Variants in OTOL1 observed in about 807,000 individuals in gnomAD.
OTOL1 encodes otolin 1.
OTOL1 carries 31 observed loss-of-function variants against 25.0 expected under a neutral mutation model. That is an observed-to-expected ratio of 1.24 (90% CI 0.93 to 1.67). The LOEUF (loss-of-function observed/expected upper bound fraction) is 1.67, where lower values mean the gene tolerates loss of function less well. Ranked by LOEUF, OTOL1 falls within the 40% of genes most tolerant of loss-of-function variation. The pLI, the probability that OTOL1 is intolerant of heterozygous loss-of-function variation, is 0.00. For missense variants in OTOL1, 654 were observed against 587.7 expected, an observed-to-expected ratio of 1.11 and a Z score of -1.17; for synonymous variants, 225 against 210.3, an observed-to-expected ratio of 1.07 and a Z score of -0.61.
intron 3 of OTOL1, among the ~76,000 whole-genome samples, chr3:161,502,690 G>T (rs1227677551): frequency 2.6e-5 from 4 of 152,110 alleles, no homozygotes; most frequent in Admixed American, 6.6e-5. Context: ...GAATACCTGG[G>T]TTAGGCCAAA....
rs758687236 is a variant in OTOL1, at chr3:161,503,287, G to A, written c.779G>A (p.Gly260Asp). The change falls in exon 4 of 4, where the codon GGT becomes GAT. Residue 260 changes from glycine (G) to aspartate (D), a missense_variant. Coordinates refer to ENST00000327928, the MANE Select transcript of OTOL1 (RefSeq NM_001080440.1). ...GGAAAAGGACAGAAAGGTGAGGGGG[G>A]TATGAAAGGGGAAAAAGGTAGCAAA... ...RGGKGQKGEG[G>D]MKGEKGSKGD... 1.9e-5 allele frequency: 26 copies of A among 1,350,166 alleles called. No individual in the cohort carries two copies. Among genetic ancestry groups the A allele is most frequent in the Non-Finnish European group, 7.8e-6 (8 of 1,032,172 alleles). 83.6% of individuals were successfully genotyped at this position (1,350,166 alleles called of 1,614,324 possible).
rs1177339787 is a variant in OTOL1, at chr3:161,503,855, G to C, written c.1347G>C (p.Trp449Cys). ...TCTGGCTTGAGGTGTCAAAAGATTG[G>C]AATGGGGTGTATGTCAGTGCTGAGG... ...DQVWLEVSKD[W>C]NGVYVSAEDD... is the part of the protein sequence containing the mutation. The change falls in exon 4 of 4, where the codon TGG becomes TGC. Residue 449 changes from tryptophan to cysteine, a missense_variant. Transcript: ENST00000327928. The C allele has an allele frequency of 3.7e-6, 6 of 1,613,786 alleles. No homozygotes were observed. Among genetic ancestry groups the C allele is most frequent in the Non-Finnish European group, 5.1e-6 (6 of 1,179,882 alleles).
intron 2 of OTOL1, among the ~76,000 whole-genome samples, chr3:161,500,497 T>A (rs949593705): frequency 6.6e-6 from 1 of 152,222 alleles, no homozygotes; most frequent in African/African-American, 2.4e-5. Context: ...CCATTCTTTA[T>A]AAAGTAGCAA....
intron 1 of OTOL1, 83 bp downstream of exon 1, chr3:161,497,254 G>A: frequency 6.7e-7 from 1 of 1,486,680 alleles, no homozygotes; most frequent in South Asian, 1.4e-5. Context: ...AATTGCCCCA[G>A]GAGTTTCTAC....
rs778910658 is a variant in OTOL1, at chr3:161,503,265, A to C, written c.757A>C (p.Lys253Gln). ...CCGDSGERGG[K>Q]GQKGEGGMKG... Reference sequence around the variant, plus strand: ...TGGAGATTCTGGGGAGAGGGGAGGAAAAGGACAGAAAGGTGAGGGGGGTAT... The same window carrying C: ...TGGAGATTCTGGGGAGAGGGGAGGACAAGGACAGAAAGGTGAGGGGGGTAT... Residue 253 changes from lysine to glutamine, a missense_variant, in exon 4 of 4, where the codon AAA (lysine) becomes CAA (glutamine). By Grantham distance (53) the Lys-to-Gln change is moderately conservative. Coordinates refer to ENST00000327928, the MANE Select transcript of OTOL1 (RefSeq NM_001080440.1). The C allele has an allele frequency of 1.1e-5, 15 of 1,379,352 alleles. No homozygotes were observed. In the South Asian group the frequency reaches 1.5e-4, roughly 14 times the overall value. 85.4% of individuals were successfully genotyped at this position (1,379,352 alleles called of 1,614,324 possible).
rs1290239734 is a variant in OTOL1 at position 161,499,178 on chromosome 3, A to C, written c.372A>C (p.Lys124Asn). Reference sequence around the variant, plus strand: ...TTAAAATCCCATTTCTAGGTCCTAAAGGAGAGGCTGGAAATTTGGGGATCC... The same window carrying C: ...TTAAAATCCCATTTCTAGGTCCTAACGGAGAGGCTGGAAATTTGGGGATCC... ...EPGETGQPGP[K>N]GEAGNLGIPG... The change falls in exon 2 of 4, where the codon AAA (lysine) becomes AAC (asparagine). Residue 124 changes from lysine (K) to asparagine (N), a missense_variant. Transcript: ENST00000327928. The C allele has an allele frequency of 1.9e-6, 3 of 1,608,860 alleles. No individual in the cohort carries two copies. Among genetic ancestry groups the C allele is most frequent in the Non-Finnish European group, 2.5e-6 (3 of 1,177,514 alleles).
rs749229959 is a variant in OTOL1 at position 161,503,304 on chromosome 3, G to A, written c.796G>A (p.Gly266Ser). ...KGEGGMKGEK[G>S]SKGDSGMEGK... is the part of the protein sequence containing the mutation. ...TGAGGGGGGTATGAAAGGGGAAAAA[G>A]GTAGCAAAGGAGACAGTGGAATGGA... The change falls in exon 4 of 4, where the codon GGT becomes AGT. Residue 266 changes from glycine to serine, a missense_variant. Transcript: ENST00000327928. 2 of 1,523,690 alleles carry A rather than the reference G, an allele frequency of 1.3e-6. No individual in the cohort carries two copies. Among genetic ancestry groups the A allele is most frequent in the Non-Finnish European group, 1.8e-6 (2 of 1,138,032 alleles). The allele number at this position is 1,523,690 out of a possible 1,614,324, so 94.4% of individuals were successfully genotyped here.
In OTOL1 at chr3:161,503,328, G is replaced by C; in HGVS notation, c.820G>C (p.Glu274Gln). 6.4e-7 allele frequency: 1 copy of C among 1,567,358 alleles called. No individual in the cohort carries two copies. The change falls in exon 4 of 4, where the codon GAA becomes CAA. Residue 274 changes from glutamate (E) to glutamine (Q), a missense_variant. Transcript: ENST00000327928. Reference sequence around the variant, plus strand: ...AGGTAGCAAAGGAGACAGTGGAATGGAAGGCAAAAGCGGCCGTAATGGTCT... The same window carrying C: ...AGGTAGCAAAGGAGACAGTGGAATGCAAGGCAAAAGCGGCCGTAATGGTCT... ...EKGSKGDSGM[E>Q]GKSGRNGLPG... is the part of the protein sequence containing the mutation.
At chr3:161,497,274 C>A in intron 1 of OTOL1, 103 bp downstream of exon 1, 4 of 1,328,110 alleles carry the variant, frequency 3.0e-6, no homozygotes, top group Non-Finnish European at 3.1e-6. Flanking sequence ...CGTTGTTATG[C>A]AAATAGTAAC....
At chr3:161,498,474 G>C (rs1357799253) in intron 1 of OTOL1, among the ~76,000 whole-genome samples, 1 of 152,062 alleles carries the variant, frequency 6.6e-6, no homozygotes, top group Non-Finnish European at 1.5e-5. Context: ...AGACTATCTT[G>C]GTCCTACTTA....
chr3:161,497,516 A>G (rs1255863516), intron 1 of OTOL1, among the ~76,000 whole-genome samples: 1 of 152,054 alleles, frequency 6.6e-6, no homozygotes, highest in African/African-American at 2.4e-5. Flanking sequence ...GGAATTACCA[A>G]CTCCAGCATG....
chr3:161,501,655 G>T (rs1416917354), intron 2 of OTOL1, among the ~76,000 whole-genome samples: 1 of 151,664 alleles, frequency 6.6e-6, no homozygotes, highest in Non-Finnish European at 1.5e-5. Flanking sequence ...AGGTGTTGTG[G>T]CCATATAAAG....
chr3:161,502,852 G>A lies in OTOL1; in HGVS notation c.518-174G>A, dbSNP rs1719008837. ...TAACTATTCCCCTTCTAAGAGCATG[G>A]CATAATATAAATTATTCATTGTCAG... On this transcript the variant is annotated intron_variant, in intron 3 of 3. Transcript: ENST00000327928. 2.6e-5 allele frequency among the ~76,000 whole-genome samples: 4 copies of A among 152,060 alleles called. No homozygotes were observed. In the South Asian group the frequency reaches 8.3e-4, roughly 32 times the overall value.
intron 1 of OTOL1, among the ~76,000 whole-genome samples, chr3:161,497,700 G>A (rs1218060759): frequency 6.6e-6 from 1 of 152,146 alleles, no homozygotes; most frequent in Non-Finnish European, 1.5e-5. Flanking sequence ...CTCTGAGGTG[G>A]AGAATAAAGC....
chr3:161,503,132 A>G lies in OTOL1; in HGVS notation c.624A>G (p.Lys208=). ...GTGGGAATTGTACCAAAGGAGAAAA[A>G]GGAGACCAAGGGGCTATGGGCTCAC... is the stretch of plus-strand genomic sequence containing the variant. ...DTCGNCTKGE[K]GDQGAMGSPG... The change falls in exon 4 of 4, where the codon AAA becomes AAG. Residue 208 remains lysine, a synonymous_variant. Coordinates refer to ENST00000327928, the MANE Select transcript of OTOL1 (RefSeq NM_001080440.1). 2.8e-6 allele frequency: 4 copies of G among 1,431,884 alleles called. No homozygotes were observed. The highest frequency in any genetic ancestry group is 3.3e-5 in the South Asian group (2 of 61,308). 88.7% of individuals were successfully genotyped at this position (1,431,884 alleles called of 1,614,324 possible). A position where few individuals can be genotyped will look rare whatever the true frequency, so the allele number is the denominator to read the frequency against.
At chr3:161,501,252 TAAATA>T (rs1281812401) in intron 2 of OTOL1, among the ~76,000 whole-genome samples, 1 of 152,146 alleles carries the variant, frequency 6.6e-6, no homozygotes, top group Non-Finnish European at 1.5e-5. Flanking sequence ...AAAATTATAT[TAAATA>T]AAAAGGCTGG....
At chr3:161,497,376 T>TA (rs1255327460) in intron 1 of OTOL1, among the ~76,000 whole-genome samples, 14 of 152,006 alleles carry the variant, frequency 9.2e-5, no homozygotes, top group East Asian at 1.9e-4. Flanking sequence ...TTGAATAAGG[T>TA]AAAAAATTCA....
intron 3 of OTOL1, among the ~76,000 whole-genome samples, 191 bp downstream of exon 3, chr3:161,502,560 T>A (rs987947330): frequency 7.9e-5 from 12 of 152,184 alleles, no homozygotes; most frequent in African/African-American, 2.9e-4. Flanking sequence ...GGTAATAGTA[T>A]CTGTGCTCTG....
intron 1 of OTOL1, 82 bp downstream of exon 1, chr3:161,497,253 A>G: frequency 1.3e-6 from 2 of 1,485,396 alleles, no homozygotes; most frequent in Non-Finnish European, 1.8e-6. Flanking sequence ...AAATTGCCCC[A>G]GGAGTTTCTA....
Sources: allele counts gnomAD v4.1 joint callset (sites outside exome capture counted in the v4.1 genomes callset), GRCh38; gene constraint gnomAD v4.1.1; transcripts MANE v1.5; gene names NCBI Gene and HGNC (gene_info 2026-07-23, HGNC 2026-07-21).